Variants in MTREX observed in about 807,000 individuals in gnomAD.
MTREX encodes Mtr4 exosome RNA helicase.
A neutral mutation model predicts 135.4 loss-of-function variants in MTREX; 76 were observed. The observed-to-expected ratio is 0.56, with a 90% CI of 0.47 to 0.68. The LOEUF is 0.68. Among genes scored for constraint, MTREX ranks in the 30% least tolerant of loss-of-function variants. The probability of loss-of-function intolerance (pLI) is 0.00; values close to 1 mark genes in which losing one functional copy is unlikely to be tolerated. For missense variants in MTREX, 920 were observed against 1,262.1 expected (o/e 0.73, Z 4.11); for synonymous variants, 404 against 401.6 (o/e 1.01, Z -0.07).
At chr5:55,369,915 C>T (rs1335269018) in intron 16 of MTREX, among the ~76,000 whole-genome samples, 1 of 141,426 alleles carries the variant, frequency 7.1e-6, no homozygotes. Context: ...TTTCTTTTTT[C>T]TTTTTTTTTT....
intron 23 of MTREX, 101 bp from the exon 24 acceptor site, chr5:55,414,081 T>C (rs902561345): frequency 2.6e-6 from 2 of 764,070 alleles, no homozygotes; most frequent in Non-Finnish European, 4.1e-6. Flanking sequence ...TAATTTGATA[T>C]GTGACTATCT....
intron 5 of MTREX, among the ~76,000 whole-genome samples, chr5:55,331,516 A>G (rs1379402109): frequency 1.3e-5 from 2 of 152,216 alleles, no homozygotes; most frequent in Non-Finnish European, 2.9e-5. Flanking sequence ...CATTTCTGCC[A>G]GTCGTGTATA....
At chr5:55,396,672 G>T (rs1270619687) in intron 19 of MTREX, among the ~76,000 whole-genome samples, 1 of 152,198 alleles carries the variant, frequency 6.6e-6, no homozygotes, top group Non-Finnish European at 1.5e-5. Flanking sequence ...CACACAACTA[G>T]CTGAAGACTG....
chr5:55,388,095 A>AGATGCAGGTTTGTACATAACTTTCTGT lies in MTREX; in HGVS notation c.2175_2181+20dup. 6.2e-7 allele frequency: 1 copy of AGATGCAGGTTTGTACATAACTTTCTGT among 1,605,446 alleles called. No individual in the cohort carries two copies. Among genetic ancestry groups the AGATGCAGGTTTGTACATAACTTTCTGT allele is most frequent in the Non-Finnish European group, 8.5e-7 (1 of 1,174,280 alleles). On this transcript the variant is annotated stop_gained and inframe_insertion, in exon 19 of 27. Transcript: ENST00000230640. LOFTEE classifies it high-confidence loss of function. ...CCAGCTAAACCTGATGAGAAAGGAGAGATGCAGGTTTGTACATAACTTTCT... is the reference window on the plus strand; with the variant it reads ...CCAGCTAAACCTGATGAGAAAGGAGAGATGCAGGTTTGTACATAACTTTCTGTGATGCAGGTTTGTACATAACTTTCT...
chr5:55,405,692 G>T, intron 22 of MTREX, 104 bp downstream of exon 22: 1 of 947,006 alleles, frequency 1.1e-6, no homozygotes, highest in Non-Finnish European at 1.6e-6. Context: ...GCCCAGGCTG[G>T]AGTGCACTGG....
chr5:55,372,538 C>T (rs909306619), intron 16 of MTREX, among the ~76,000 whole-genome samples: 1 of 152,096 alleles, frequency 6.6e-6, no homozygotes, highest in South Asian at 2.1e-4. Flanking sequence ...TTGTTATCCT[C>T]ATTTTGCAGA....
At chr5:55,365,756 G>A (rs1284530773) in intron 15 of MTREX, among the ~76,000 whole-genome samples, 3 of 152,172 alleles carry the variant, frequency 2.0e-5, no homozygotes, top group Non-Finnish European at 4.4e-5. Context: ...AGCATTTTGG[G>A]AGACTGAGGT....
intron 2 of MTREX, among the ~76,000 whole-genome samples, chr5:55,323,877 A>G (rs1268454341): frequency 6.6e-6 from 1 of 152,252 alleles, no homozygotes. Flanking sequence ...CTAAGCTGAC[A>G]TAATTATTTG....
intron 26 of MTREX, chr5:55,424,396 T>C (rs230752): frequency 0.87 from 149,582 of 171,510 alleles, 65,506 homozygotes; most frequent in South Asian, 0.92. Context: ...CCGCTCGCCT[T>C]GGCCTCCCAG....
chr5:55,319,570 T>G (rs1158185606), intron 1 of MTREX, among the ~76,000 whole-genome samples: 4 of 152,226 alleles, frequency 2.6e-5, no homozygotes, highest in Non-Finnish European at 5.9e-5. Flanking sequence ...GTGCTATGTA[T>G]AGAGCATGCT....
At chr5:55,389,769 A>ACCAC (rs1446201068) in intron 19 of MTREX, among the ~76,000 whole-genome samples, 1 of 152,174 alleles carries the variant, frequency 6.6e-6, no homozygotes, top group Non-Finnish European at 1.5e-5. Context: ...GTTAATGACA[A>ACCAC]AAGGCATGAA....
At chr5:55,308,232 AAAGTG>A in intron 1 of MTREX, 85 bp downstream of exon 1, 2 of 1,458,222 alleles carry the variant, frequency 1.4e-6, no homozygotes, top group Non-Finnish European at 1.8e-6. Flanking sequence ...AGAGCACGAG[AAAGTG>A]AAGTGTACAT....
chr5:55,411,255 G>C (rs1254512703), intron 23 of MTREX, among the ~76,000 whole-genome samples: 3 of 152,176 alleles, frequency 2.0e-5, no homozygotes, highest in Admixed American at 2.0e-4. Flanking sequence ...ATTTTTAAAA[G>C]TAAGATATAT....
Position 55,378,580 on chromosome 5 carries a change from T to TGCTTCCTGCTACAATA in MTREX, c.1983+96_1983+111dup, listed in dbSNP as rs1465943384. The stretch of plus-strand genomic sequence containing the variant: ...TAATTTATTTTTTATTCTGATAAAA[T>TGCTTCCTGCTACAATA]GCTTCCTGCTACAATAGTTGATCTA... On this transcript the variant is annotated intron_variant, in intron 17 of 26. Transcript: ENST00000230640. 2.3e-6 allele frequency: 3 copies of TGCTTCCTGCTACAATA among 1,301,182 alleles called. No homozygotes were observed. In the African/African-American group the frequency reaches 4.6e-5, roughly 20 times the overall value. 80.6% of individuals were successfully genotyped at this position (1,301,182 alleles called of 1,614,324 possible). A position where few individuals can be genotyped will look rare whatever the true frequency, so the allele number is the denominator to read the frequency against.
chr5:55,358,742 A>G, intron 15 of MTREX, 44 bp downstream of exon 15: 1 of 1,509,490 alleles, frequency 6.6e-7, no homozygotes, highest in Non-Finnish European at 8.9e-7. Context: ...AATTCCAGAA[A>G]TATACTTCAG....
chr5:55,321,562 AGATTGAAT>A (rs1167410439), intron 1 of MTREX, among the ~76,000 whole-genome samples: 3 of 150,524 alleles, frequency 2.0e-5, no homozygotes, highest in African/African-American at 7.3e-5. Context: ...GGTAAAGGTC[AGATTGAAT>A]TCCCCTATGG....
At chr5:55,321,096 G>C (rs1352313498) in intron 1 of MTREX, among the ~76,000 whole-genome samples, 1 of 152,028 alleles carries the variant, frequency 6.6e-6, no homozygotes, top group African/African-American at 2.4e-5. Flanking sequence ...ATATGTAGTG[G>C]TTTGACTGTT....
At chr5:55,385,601 G>C (rs923103420) in intron 18 of MTREX, among the ~76,000 whole-genome samples, 1 of 152,114 alleles carries the variant, frequency 6.6e-6, no homozygotes, top group African/African-American at 2.4e-5. Context: ...AGATATCAAA[G>C]ACTTTACTGA....
At chr5:55,407,642 G>T (rs1384826181) in intron 22 of MTREX, among the ~76,000 whole-genome samples, 1 of 152,100 alleles carries the variant, frequency 6.6e-6, no homozygotes, top group Non-Finnish European at 1.5e-5. Context: ...CATTGCCACT[G>T]GCTAATGTGT....
Sources: allele counts gnomAD v4.1 joint callset (sites outside exome capture counted in the v4.1 genomes callset), GRCh38; gene constraint gnomAD v4.1.1; transcripts MANE v1.5; gene names NCBI Gene and HGNC (gene_info 2026-07-23, HGNC 2026-07-21).